SH3GL2: variants seen among roughly 807,000 people sequenced by gnomAD.
SH3GL2 encodes SH3 domain containing GRB2 like 2, endophilin A1.
In SH3GL2, 24 loss-of-function variants were observed where a neutral mutation model predicts 46.0. The ratio of observed to expected loss-of-function variants is 0.52; its 90% CI spans 0.38 to 0.73. The LOEUF (loss-of-function observed/expected upper bound fraction) is 0.73. SH3GL2 is among the 30% of genes least tolerant of loss of function. The probability of loss-of-function intolerance (pLI) is 0.00; values close to 1 mark genes in which losing one functional copy is unlikely to be tolerated. For missense variants in SH3GL2, 413 were observed against 424.2 expected (o/e 0.97, Z 0.23); for synonymous variants, 196 against 147.1 (o/e 1.33, Z -2.40).
chr9:17,695,419 G>A (rs767478300), intron 1 of SH3GL2, among the ~76,000 whole-genome samples: 12 of 152,074 alleles, frequency 7.9e-5, no homozygotes, highest in Admixed American at 2.6e-4. Context: ...GAAACTTCAC[G>A]TAGCTTCTCT....
chr9:17,661,381 G>A (rs1293779005), intron 1 of SH3GL2, among the ~76,000 whole-genome samples: 9 of 152,104 alleles, frequency 5.9e-5, no homozygotes, highest in Admixed American at 5.9e-4. Flanking sequence ...ATAGCATGGA[G>A]CAGTGGACAC....
At chr9:17,684,645 A>AGTCAG (rs1279275879) in intron 1 of SH3GL2, among the ~76,000 whole-genome samples, 168 of 152,276 alleles carry the variant, frequency 1.1e-3, no homozygotes, top group African/African-American at 3.8e-3. Context: ...AATACCCTGC[A>AGTCAG]ACACACATAC....
At chr9:17,624,483 T>C (rs1035722230) in intron 1 of SH3GL2, among the ~76,000 whole-genome samples, 5 of 152,046 alleles carry the variant, frequency 3.3e-5, no homozygotes, top group African/African-American at 1.2e-4. Context: ...GTTTACCATT[T>C]AGCCTTTGAC....
intron 1 of SH3GL2, among the ~76,000 whole-genome samples, chr9:17,635,826 C>T (rs1819529422): frequency 6.6e-6 from 1 of 152,184 alleles, no homozygotes; most frequent in South Asian, 2.1e-4. Flanking sequence ...TTCCTGGTTG[C>T]TTCCAACTCA....
chr9:17,719,793 G>GAA (rs59406335), intron 1 of SH3GL2, among the ~76,000 whole-genome samples: 20 of 123,542 alleles, frequency 1.6e-4, no homozygotes, highest in Admixed American at 4.1e-4. Context: ...ACCCTGTCTT[G>GAA]AAAAAAAAAA....
At chr9:17,666,420 C>G (rs1461488276) in intron 1 of SH3GL2, among the ~76,000 whole-genome samples, 1 of 151,936 alleles carries the variant, frequency 6.6e-6, no homozygotes, top group Non-Finnish European at 1.5e-5. Context: ...CAGCTCCCAC[C>G]CTAGTTCCTG....
intron 3 of SH3GL2, among the ~76,000 whole-genome samples, chr9:17,775,179 T>G (rs941932918): frequency 2.0e-5 from 3 of 152,302 alleles, no homozygotes; most frequent in African/African-American, 7.2e-5. Flanking sequence ...CTCTGTTTTT[T>G]TCTAGTTCAG....
chr9:17,619,677 C>CAA (rs369116747), intron 1 of SH3GL2, among the ~76,000 whole-genome samples: 48 of 146,304 alleles, frequency 3.3e-4, no homozygotes, highest in African/African-American at 1.1e-3. Context: ...AACTCCATCT[C>CAA]AAAAAAAAAA....
intron 1 of SH3GL2, among the ~76,000 whole-genome samples, chr9:17,722,444 C>T (rs558168596): frequency 6.6e-6 from 1 of 152,250 alleles, no homozygotes; most frequent in East Asian, 1.9e-4. Context: ...GAAATAGTCA[C>T]TGCATGTTTG....
intron 1 of SH3GL2, among the ~76,000 whole-genome samples, chr9:17,698,535 G>A (rs1821264635): frequency 1.3e-5 from 2 of 152,256 alleles, no homozygotes; most frequent in South Asian, 4.1e-4. Flanking sequence ...CTAGGTTTTA[G>A]ATAAACTAAG....
chr9:17,653,100 T>C (rs893472057), intron 1 of SH3GL2, among the ~76,000 whole-genome samples: 14 of 152,220 alleles, frequency 9.2e-5, no homozygotes, highest in African/African-American at 2.4e-5. Flanking sequence ...AAAAATCCAA[T>C]CTGAAAAGTC....
At chr9:17,638,229 C>A (rs1288418925) in intron 1 of SH3GL2, among the ~76,000 whole-genome samples, 1 of 151,908 alleles carries the variant, frequency 6.6e-6, no homozygotes, top group Non-Finnish European at 1.5e-5. Context: ...CCTAGAGGGG[C>A]CCTTAAAAAT....
chr9:17,795,966 A>T lies in SH3GL2; in HGVS notation c.*223A>T, dbSNP rs1233061117. 1.8e-6 allele frequency: 1 copy of T among 544,764 alleles called. No individual in the cohort carries two copies. Among genetic ancestry groups the T allele is most frequent in the East Asian group, 2.9e-5 (1 of 34,794 alleles). The allele number at this position is 544,764 out of a possible 1,614,324, so 33.7% of individuals were successfully genotyped here. A position where few individuals can be genotyped will look rare whatever the true frequency, so the allele number is the denominator to read the frequency against. On this transcript the variant is annotated 3_prime_UTR_variant, in exon 9 of 9. Coordinates refer to ENST00000380607, the MANE Select transcript of SH3GL2 (RefSeq NM_003026.5). ...CGTGGCATGTGCTTTTTAAAACATCATCTGAGACCAGCCAGTAGTCACAGA... is the reference window on the plus strand; with the variant it reads ...CGTGGCATGTGCTTTTTAAAACATCTTCTGAGACCAGCCAGTAGTCACAGA...
At chr9:17,628,631 T>G in intron 1 of SH3GL2, among the ~76,000 whole-genome samples, 1 of 152,264 alleles carries the variant, frequency 6.6e-6, no homozygotes, top group Non-Finnish European at 1.5e-5. Flanking sequence ...AGGCTTTTTT[T>G]TCTTCTTTTT....
chr9:17,794,365 C>T (rs1311092789), intron 8 of SH3GL2, among the ~76,000 whole-genome samples: 1 of 152,130 alleles, frequency 6.6e-6, no homozygotes, highest in Non-Finnish European at 1.5e-5. Flanking sequence ...ATAAGATGCT[C>T]TCAGGAGACT....
intron 1 of SH3GL2, among the ~76,000 whole-genome samples, chr9:17,670,245 G>A (rs1047773221): frequency 1.3e-5 from 2 of 152,142 alleles, no homozygotes; most frequent in African/African-American, 2.4e-5. Flanking sequence ...GCATCCCCCA[G>A]TGCAAGCTTC....
chr9:17,582,061 G>T (rs1375670382), intron 1 of SH3GL2, among the ~76,000 whole-genome samples: 2 of 152,184 alleles, frequency 1.3e-5, no homozygotes, highest in African/African-American at 4.8e-5. Context: ...GCTTGTGTTA[G>T]TAAGCGATGA....
At chr9:17,765,593 A>G (rs1823295816) in intron 3 of SH3GL2, among the ~76,000 whole-genome samples, 1 of 152,180 alleles carries the variant, frequency 6.6e-6, no homozygotes, top group Non-Finnish European at 1.5e-5. Context: ...CATTTTTAAC[A>G]TGGCTTAAGG....
chr9:17,585,138 TAC>T (rs1310436948), intron 1 of SH3GL2, among the ~76,000 whole-genome samples: 6 of 152,122 alleles, frequency 3.9e-5, no homozygotes, highest in Non-Finnish European at 5.9e-5. Context: ...TTGTGCTGCA[TAC>T]AGAGTCTCAG....
Sources: gnomAD v4.1 joint callset for allele counts (sites outside exome capture counted in the v4.1 genomes callset) on GRCh38, gnomAD v4.1.1 for gene constraint, MANE v1.5 for transcripts, NCBI Gene and HGNC (gene_info 2026-07-23, HGNC 2026-07-21) for gene names.